The following B3GALT1 variants were observed in gnomAD, a reference collection of about 807,000 sequenced individuals.
B3GALT1 encodes beta-1,3-galactosyltransferase 1, also known as UDP-Gal:betaGlcNAc beta 1,3-galactosyltransferase, polypeptide 1.
Under a neutral mutation model 23.2 loss-of-function variants are expected in B3GALT1, and 10 were observed. That is an observed-to-expected ratio of 0.43 (90% confidence interval 0.27 to 0.73). B3GALT1 has a LOEUF of 0.73. Among genes scored for constraint, B3GALT1 ranks in the 30% least tolerant of loss-of-function variants. B3GALT1 has a pLI of 0.21. For synonymous variants in B3GALT1, 156 were observed against 141.5 expected (o/e 1.10, Z -0.73); for missense variants, 299 against 405.4 (o/e 0.74, Z 2.25).
At chr2:167,414,019 A>C (rs114982031) in intron 1 of B3GALT1, among the ~76,000 whole-genome samples, 1 of 152,132 alleles carries the variant, frequency 6.6e-6, no homozygotes, top group Non-Finnish European at 1.5e-5. Flanking sequence ...TCCTTTCTCT[A>C]TTAGGTTCAT....
chr2:167,339,863 C>A (rs1697119748), intron 1 of B3GALT1, among the ~76,000 whole-genome samples: 1 of 152,138 alleles, frequency 6.6e-6, no homozygotes, highest in African/African-American at 2.4e-5. Context: ...GTTACTCAAT[C>A]TCCACACAGG....
At chr2:167,638,279 C>A (rs1003697961) in intron 2 of B3GALT1, among the ~76,000 whole-genome samples, 2 of 151,884 alleles carry the variant, frequency 1.3e-5, no homozygotes, top group Non-Finnish European at 2.9e-5. Context: ...ACATTTTCAC[C>A]GTGAAGCAGC....
intron 2 of B3GALT1, among the ~76,000 whole-genome samples, chr2:167,526,286 C>T (rs1683219353): frequency 6.6e-6 from 1 of 152,040 alleles, no homozygotes. Flanking sequence ...TGTCTCCAAC[C>T]CTTATCCAGT....
chr2:167,672,975 A>AGAGACTGT (rs780951944), intron 3 of B3GALT1, among the ~76,000 whole-genome samples: 2 of 150,720 alleles, frequency 1.3e-5, no homozygotes, highest in African/African-American at 4.9e-5. Flanking sequence ...TAAGAGAGAG[A>AGAGACTGT]GAGACTGTGT....
intron 1 of B3GALT1, among the ~76,000 whole-genome samples, chr2:167,392,089 A>C (rs544785022): frequency 1.3e-5 from 2 of 152,098 alleles, no homozygotes; most frequent in South Asian, 4.2e-4. Flanking sequence ...TTGTCCAAGC[A>C]GACCTGTTTT....
chr2:167,563,005 C>G (rs560225221), intron 2 of B3GALT1, among the ~76,000 whole-genome samples: 1 of 152,260 alleles, frequency 6.6e-6, no homozygotes, highest in East Asian at 1.9e-4. Flanking sequence ...GCAGAAGAAC[C>G]TCTCTCAGTA....
chr2:167,444,073 A>G (rs186984949), intron 1 of B3GALT1, among the ~76,000 whole-genome samples: 5 of 152,348 alleles, frequency 3.3e-5, no homozygotes, highest in South Asian at 2.1e-4. Flanking sequence ...AGTTTTTAGC[A>G]TGAAGGGCTG....
intron 3 of B3GALT1, among the ~76,000 whole-genome samples, chr2:167,802,908 ATAAAT>A (rs1244746977): frequency 1.4e-5 from 2 of 145,864 alleles, no homozygotes; most frequent in Non-Finnish European, 3.0e-5. Flanking sequence ...ACACTTTTAA[ATAAAT>A]TAGTATTTTT....
chr2:167,490,157 A>G lies in B3GALT1; in HGVS notation c.-510-20A>G, dbSNP rs959893113. On this transcript the variant is annotated intron_variant, in intron 1 of 4. Transcript: ENST00000392690. The stretch of plus-strand genomic sequence containing the variant: ...CTGAAGTGCCTCCAAAGTTACTCAT[A>G]TATTTTTCTTTCCTTTTAGACCCAT... 2 of 152,168 alleles carry G rather than the reference A, an allele frequency of 1.3e-5. No individual in the cohort carries two copies. The highest frequency in any genetic ancestry group is 6.5e-5 in the Admixed American group (1 of 15,268). 9.4% of individuals were successfully genotyped at this position (152,168 alleles called of 1,614,324 possible).
At chr2:167,563,270 GGCAGAGGGGCTCCTC>G (rs1574139619) in intron 2 of B3GALT1, among the ~76,000 whole-genome samples, 13 of 146,408 alleles carry the variant, frequency 8.9e-5, no homozygotes, top group African/African-American at 2.1e-4. Context: ...CGGCTGGCCG[GGCAGAGGGGCTCCTC>G]ACTTCCCAGT....
chr2:167,549,102 C>G (rs138857276), intron 2 of B3GALT1, among the ~76,000 whole-genome samples: 1 of 152,164 alleles, frequency 6.6e-6, no homozygotes, highest in African/African-American at 2.4e-5. Context: ...GTTTCTAACT[C>G]ATTACTGACA....
At chr2:167,706,744 G>C (rs765798058) in intron 3 of B3GALT1, among the ~76,000 whole-genome samples, 3 of 152,228 alleles carry the variant, frequency 2.0e-5, no homozygotes, top group Non-Finnish European at 4.4e-5. Context: ...TGCACAAGCA[G>C]CTGAGGTTTC....
At chr2:167,373,365 T>C (rs1347288003) in intron 1 of B3GALT1, among the ~76,000 whole-genome samples, 1 of 152,128 alleles carries the variant, frequency 6.6e-6, no homozygotes, top group African/African-American at 2.4e-5. Context: ...AATTGTTTTT[T>C]ATCTAAATTT....
intron 2 of B3GALT1, among the ~76,000 whole-genome samples, chr2:167,576,750 T>G (rs1323676170): frequency 6.6e-6 from 1 of 151,670 alleles, no homozygotes; most frequent in African/African-American, 2.4e-5. Context: ...AGGTGTGTGG[T>G]CTCCATTTGC....
In B3GALT1 at chr2:167,293,053, C is replaced by G. The variant is rs1358730247; in HGVS notation, c.-792C>G. 6.6e-6 allele frequency: 1 copy of G among 151,572 alleles called. No individual in the cohort carries two copies. The highest frequency in any genetic ancestry group is 1.5e-5 in the Non-Finnish European group (1 of 67,860). 9.4% of individuals were successfully genotyped at this position (151,572 alleles called of 1,614,324 possible). On this transcript the variant is annotated 5_prime_UTR_variant, in exon 1 of 5. Transcript: ENST00000392690. The stretch of plus-strand genomic sequence containing the variant: ...GGCTCGGGTGCTTCGGCTGCCGCCG[C>G]GGCTGCTCGGCTAGTGCAGCTGGGC...
intron 2 of B3GALT1, among the ~76,000 whole-genome samples, chr2:167,495,326 CT>C (rs954749958): frequency 0.027 from 1,570 of 58,008 alleles, 13 homozygotes; most frequent in African/African-American, 0.095. Context: ...GCTTGCTTGC[CT>C]TTTTTTTTTT....
chr2:167,492,867 GTATTTAGAGA>G (rs1410173784), intron 2 of B3GALT1, among the ~76,000 whole-genome samples: 1 of 133,596 alleles, frequency 7.5e-6, no homozygotes, highest in African/African-American at 3.1e-5. Flanking sequence ...CCAAGTGTGT[GTATTTAGAGA>G]TGTGTGTGTG....
At chr2:167,712,434 C>G (rs1245391631) in intron 3 of B3GALT1, among the ~76,000 whole-genome samples, 2 of 151,318 alleles carry the variant, frequency 1.3e-5, no homozygotes, top group Non-Finnish European at 2.9e-5. Context: ...AACTCACACT[C>G]ACAGCATCTA....
At chr2:167,512,616 A>ATG in intron 2 of B3GALT1, among the ~76,000 whole-genome samples, 1 of 87,928 alleles carries the variant, frequency 1.1e-5, no homozygotes, top group East Asian at 8.3e-4. Flanking sequence ...ATGTATATAT[A>ATG]TATACGTGTA....
Sources: allele counts gnomAD v4.1 joint callset (sites outside exome capture counted in the v4.1 genomes callset), GRCh38; gene constraint gnomAD v4.1.1; transcripts MANE v1.5; gene names NCBI Gene and HGNC (gene_info 2026-07-23, HGNC 2026-07-21).